Variants in PRR19 observed in about 807,000 individuals in gnomAD.
PRR19 encodes the protein proline-rich protein 19.
Under a neutral mutation model 19.2 loss-of-function variants are expected in PRR19, and 9 were observed. That is an observed-to-expected ratio of 0.47 (90% CI 0.28 to 0.82). The LOEUF is 0.82. PRR19 is among the 40% of genes least tolerant of loss of function. PRR19 has a pLI of 0.11. For missense variants in PRR19, 457 were observed against 466.0 expected (o/e 0.98, Z 0.18); for synonymous variants, 190 against 191.0 (o/e 0.99, Z 0.04).
intron 1 of PRR19, among the ~76,000 whole-genome samples, chr19:42,308,381 C>T (rs567110999): frequency 1.1e-4 from 17 of 150,338 alleles, no homozygotes; most frequent in African/African-American, 3.9e-4. Flanking sequence ...TGTGGGCCAC[C>T]GAATCCAGCT....
Position 42,309,607 on chromosome 19 carries a change from C to T in PRR19, c.23C>T (p.Ser8Phe). The T allele has an allele frequency of 1.3e-6, 2 of 1,534,088 alleles. No homozygotes were observed. Among genetic ancestry groups the T allele is most frequent in the African/African-American group, 1.4e-5 (1 of 72,632 alleles). Residue 8 changes from serine to phenylalanine, a missense_variant, in exon 2 of 3, where the codon TCC becomes TTC. Physicochemically the swap from Ser to Phe is radical, Grantham distance 155 (BLOSUM62 -2). Coordinates refer to ENST00000341747, the MANE Select transcript of PRR19 (RefSeq NM_199285.3). The part of the protein sequence containing the change: MDTQGPV[S>F]QPFQQPEKPG... ...ACCATGGATACCCAGGGACCAGTCT[C>T]CCAGCCTTTTCAGCAGCCTGAGAAA... is the stretch of plus-strand genomic sequence containing the variant.
intron 1 of PRR19, among the ~76,000 whole-genome samples, chr19:42,306,408 C>T (rs1010374312): frequency 6.6e-6 from 1 of 152,086 alleles, no homozygotes; most frequent in Non-Finnish European, 1.5e-5. Flanking sequence ...CTCCTGACCT[C>T]GTGATCCGCC....
intron 1 of PRR19, among the ~76,000 whole-genome samples, chr19:42,308,422 A>G (rs2038740607): frequency 8.2e-6 from 1 of 122,050 alleles, no homozygotes; most frequent in Non-Finnish European, 1.6e-5. Flanking sequence ...TTTTTGAGAT[A>G]GAGTCTCACT....
chr19:42,307,403 C>T (rs886794082), intron 1 of PRR19, among the ~76,000 whole-genome samples: 1 of 151,802 alleles, frequency 6.6e-6, no homozygotes, highest in Non-Finnish European at 1.5e-5. Context: ...AATCTCATGA[C>T]CCCTTCACCA....
rs758696201 is a variant in PRR19 at position 42,310,485 on chromosome 19, A to G, written c.816A>G (p.Pro272=). Residue 272 remains proline (P), a synonymous_variant, in exon 3 of 3, where the codon CCA becomes CCG. Transcript: ENST00000341747. ...WPPYFPSLSS[P]SGTAWGPPTA... ...CATACTTTCCCTCACTGTCTTCGCCATCTGGAACAGCCTGGGGTCCCCCAA... is the reference window on the plus strand; with the variant it reads ...CATACTTTCCCTCACTGTCTTCGCCGTCTGGAACAGCCTGGGGTCCCCCAA... The G allele has an allele frequency of 5.6e-6, 9 of 1,614,130 alleles. No homozygotes were observed. In the East Asian group the frequency reaches 2.0e-4, roughly 36 times the overall value.
intron 1 of PRR19, among the ~76,000 whole-genome samples, chr19:42,307,862 A>T (rs1206833232): frequency 7.1e-6 from 1 of 141,346 alleles, no homozygotes; most frequent in East Asian, 2.1e-4. Context: ...GGTTCACGCC[A>T]TTCTCCTGCC....
chr19:42,309,551 T>G (rs1224961532), intron 1 of PRR19, 28 bp from the exon 2 acceptor site: 2 of 1,495,328 alleles, frequency 1.3e-6, no homozygotes, highest in East Asian at 4.6e-5. Flanking sequence ...ATCTGCATGC[T>G]GATGGCCACC....
Position 42,309,899 on chromosome 19 carries a change from G to A in PRR19, c.315G>A (p.Lys105=), listed in dbSNP as rs2147402501. The change falls in exon 2 of 3, where the codon AAG becomes AAA. Residue 105 remains lysine (K), a synonymous_variant. Coordinates refer to ENST00000341747, the MANE Select transcript of PRR19 (RefSeq NM_199285.3). ...CAGGCAGCCCCACACTCCCCGCCAA[G>A]CCCTCCCCAAGCCCAGGCAGGGCCC... ...LVPGSPTLPA[K]PSPSPGRAQE... is the part of the protein sequence containing the mutation. 1 of 1,613,968 alleles carries A rather than the reference G, an allele frequency of 6.2e-7. No individual in the cohort carries two copies. Among genetic ancestry groups the A allele is most frequent in the South Asian group, 1.1e-5 (1 of 91,080 alleles).
intron 1 of PRR19, among the ~76,000 whole-genome samples, chr19:42,306,455 G>A (rs1313005418): frequency 1.3e-5 from 2 of 152,092 alleles, no homozygotes; most frequent in Non-Finnish European, 2.9e-5. Context: ...TTACAGGCGT[G>A]AGCCACCACG....
In PRR19 at chr19:42,310,459, C is replaced by T; in HGVS notation, c.790C>T (p.Pro264Ser). Residue 264 changes from proline to serine, a missense_variant, in exon 3 of 3, where the codon CCA (proline) becomes TCA (serine). Transcript: ENST00000341747. ...GGCACCGCCAAGAGGTCCCTGGCCA[C>T]CATACTTTCCCTCACTGTCTTCGCC... Reference protein sequence around the residue: ...SLAPPRGPWPPYFPSLSSPSG... With the variant: ...SLAPPRGPWPSYFPSLSSPSG... 1.2e-6 allele frequency: 2 copies of T among 1,614,186 alleles called. No individual in the cohort carries two copies. Among genetic ancestry groups the T allele is most frequent in the Non-Finnish European group, 1.7e-6 (2 of 1,180,022 alleles).
chr19:42,303,376 T>TGG (rs1312765779), intron 1 of PRR19: 1 of 152,088 alleles, frequency 6.6e-6, no homozygotes, highest in Non-Finnish European at 1.5e-5. Flanking sequence ...ACAGGCCAAC[T>TGG]GGGTATGTCT....
chr19:42,310,565 GGCCCTGGGGGGTTGGCCTCCCTCA>G lies in PRR19; in HGVS notation c.901_924del (p.Trp301_Pro308del), dbSNP rs757385187. On this transcript the variant is annotated inframe_deletion, in exon 3 of 3. Transcript: ENST00000341747. ...CTGGTAGCCACGCCACCCCCTCCTC[GGCCCTGGGGGGTTGGCCTCCCTCA>G]GCCCCTGCCTCAGCCTTCATCACCC... 5.9e-5 allele frequency: 95 copies of G among 1,614,118 alleles called. No homozygotes were observed. The highest frequency in any genetic ancestry group is 7.5e-5 in the Non-Finnish European group (89 of 1,180,000).
intron 1 of PRR19, among the ~76,000 whole-genome samples, chr19:42,305,881 CT>C (rs1326623990): frequency 1.3e-5 from 2 of 151,976 alleles, no homozygotes; most frequent in African/African-American, 2.4e-5. Context: ...ACTACACTAA[CT>C]TTTTTTTGAG....
chr19:42,309,949 A>G lies in PRR19; in HGVS notation c.365A>G (p.Asp122Gly). The change falls in exon 2 of 3, where the codon GAC (aspartate) becomes GGC (glycine). Residue 122 changes from aspartate to glycine, a missense_variant. Physicochemically the swap from Asp to Gly is moderately conservative, Grantham distance 94. Transcript: ENST00000341747. Reference sequence around the variant, plus strand: ...CAGGAACCAGCCCCACGGTCCAGGGACAAAGAGAACCAGGTGCCTGGAGGT... The same window carrying G: ...CAGGAACCAGCCCCACGGTCCAGGGGCAAAGAGAACCAGGTGCCTGGAGGT... ...RAQEPAPRSRDKENQVPGGSG... is the reference protein window; with the variant it reads ...RAQEPAPRSRGKENQVPGGSG... The G allele has an allele frequency of 2.5e-6, 4 of 1,613,886 alleles. No homozygotes were observed. The highest frequency in any genetic ancestry group is 1.7e-6 in the Non-Finnish European group (2 of 1,179,956).
rs750731807 is a variant in PRR19, at chr19:42,310,686, A to G, written c.1017A>G (p.Val339=). Residue 339 remains valine, a synonymous_variant, in exon 3 of 3, where the codon GTA becomes GTG. Transcript: ENST00000341747. Reference sequence around the variant, plus strand: ...CCCCACTGCCCAGCCTCTCCTGGGTAGTAGCCCAGAGCAGTCCGGAAGCCT... The same window carrying G: ...CCCCACTGCCCAGCCTCTCCTGGGTGGTAGCCCAGAGCAGTCCGGAAGCCT... ...PPSPLPSLSW[V]VAQSSPEAWS... is the part of the protein sequence containing the mutation. 5.6e-6 allele frequency: 9 copies of G among 1,601,986 alleles called. No homozygotes were observed. Among genetic ancestry groups the G allele is most frequent in the Non-Finnish European group, 7.7e-6 (9 of 1,173,734 alleles).
rs750975055 is a variant in PRR19, at chr19:42,310,570, T to TG, written c.907dup (p.Val303GlyfsTer59). 3 of 1,613,942 alleles carry TG rather than the reference T, an allele frequency of 1.9e-6. No homozygotes were observed. Among genetic ancestry groups the TG allele is most frequent in the Admixed American group, 1.7e-5 (1 of 60,024 alleles). On this transcript the variant is annotated frameshift_variant, in exon 3 of 3. Coordinates refer to ENST00000341747, the MANE Select transcript of PRR19 (RefSeq NM_199285.3). LOFTEE classifies it high-confidence loss of function. Reference sequence around the variant, plus strand: ...AGCCACGCCACCCCCTCCTCGGCCCTGGGGGGTTGGCCTCCCTCAGCCCCT... The same window carrying TG: ...AGCCACGCCACCCCCTCCTCGGCCCTGGGGGGGTTGGCCTCCCTCAGCCCCT...
In PRR19 at chr19:42,310,149, G is replaced by T; in HGVS notation, c.565G>T (p.Ala189Ser). The part of the protein sequence containing the change: ...QACHGCVPDL[A>S]LVLRGCQPPL... ...CTGTCATGGTTGTGTGCCTGACCTT[G>T]CCCTGGTGCTTCGGGGCTGCCAGCC... Residue 189 changes from alanine (A) to serine (S), a missense_variant, in exon 2 of 3, where the codon GCC (alanine) becomes TCC (serine). Coordinates refer to ENST00000341747, the MANE Select transcript of PRR19 (RefSeq NM_199285.3). 10 of 1,614,066 alleles carry T rather than the reference G, an allele frequency of 6.2e-6. No individual in the cohort carries two copies. The highest frequency in any genetic ancestry group is 7.6e-6 in the Non-Finnish European group (9 of 1,180,014).
Position 42,302,461 on chromosome 19 carries a change from G to A in PRR19, c.-49G>A, listed in dbSNP as rs1183401509. 1.5e-6 allele frequency: 1 copy of A among 647,194 alleles called. No homozygotes were observed. Among genetic ancestry groups the A allele is most frequent in the South Asian group, 2.0e-5 (1 of 50,594 alleles). The allele number at this position is 647,194 out of a possible 1,614,324, so 40.1% of individuals were successfully genotyped here. On this transcript the variant is annotated 5_prime_UTR_variant, in exon 1 of 3. Transcript: ENST00000341747. Reference sequence around the variant, plus strand: ...CCCGCGGAGGACGAAGGCCGATACAGGGCGCCGCCTCCTCTCCAGGGACGG... The same window carrying A: ...CCCGCGGAGGACGAAGGCCGATACAAGGCGCCGCCTCCTCTCCAGGGACGG...
Position 42,310,259 on chromosome 19 carries a change from C to T in PRR19, c.602-12C>T, listed in dbSNP as rs1398863229. Reference sequence around the variant, plus strand: ...GCTCAGCTAGCCTCTATGCTTCTTTCCTCTGTGCCAGGGGCCAAGCCTGGG... The same window carrying T: ...GCTCAGCTAGCCTCTATGCTTCTTTTCTCTGTGCCAGGGGCCAAGCCTGGG... On this transcript the variant is annotated splice_polypyrimidine_tract_variant and intron_variant, in intron 2 of 2. Coordinates refer to ENST00000341747, the MANE Select transcript of PRR19 (RefSeq NM_199285.3). The T allele has an allele frequency of 4.3e-6, 7 of 1,614,040 alleles. No individual in the cohort carries two copies. In the South Asian group the frequency reaches 6.6e-5, roughly 15 times the overall value.
Sources: allele counts gnomAD v4.1 joint callset (sites outside exome capture counted in the v4.1 genomes callset), GRCh38; gene constraint gnomAD v4.1.1; transcripts MANE v1.5; gene names NCBI Gene and HGNC (gene_info 2026-07-23, HGNC 2026-07-21).